The following EIF4E3 variants were observed in gnomAD, a reference collection of about 807,000 sequenced individuals.
EIF4E3 encodes the protein eukaryotic translation initiation factor 4E type 3.
In EIF4E3, 26 loss-of-function variants were observed where a neutral mutation model predicts 31.7. The ratio of observed to expected loss-of-function variants is 0.82; its 90% CI spans 0.60 to 1.14. The LOEUF (loss-of-function observed/expected upper bound fraction) is 1.14, where lower values mean the gene tolerates loss of function less well. Among genes scored for constraint, EIF4E3 ranks in the 50% most tolerant of loss-of-function variants. The probability of loss-of-function intolerance (pLI) is 0.00; values close to 1 mark genes in which losing one functional copy is unlikely to be tolerated. For missense variants in EIF4E3, 304 were observed against 270.9 expected (o/e 1.12, Z -0.86); for synonymous variants, 128 against 107.7 (o/e 1.19, Z -1.17).
At chr3:71,701,239 G>C (rs955734874) in intron 2 of EIF4E3, among the ~76,000 whole-genome samples, 2 of 152,208 alleles carry the variant, frequency 1.3e-5, no homozygotes, top group African/African-American at 4.8e-5. Context: ...GGAAGTCTTG[G>C]CAAAGACAAG....
chr3:71,678,812 A>C lies in EIF4E3; in HGVS notation c.*5870T>G, dbSNP rs2048893330. The C allele has an allele frequency of 6.6e-6, 1 of 152,196 alleles. No individual in the cohort carries two copies. The highest frequency in any genetic ancestry group is 6.5e-5 in the Admixed American group (1 of 15,270). The allele number at this position is 152,196 out of a possible 1,614,324, so 9.4% of individuals were successfully genotyped here. ...TTACACAGGTAAGACTATTCTAAAG[A>C]ATTAATAACTTTCAATGTAAGATTT... On this transcript the variant is annotated 3_prime_UTR_variant, in exon 7 of 7. Transcript: ENST00000425534.
At chr3:71,668,531 A>C in the EIF4E3 span, among the ~76,000 whole-genome samples, 1 of 152,120 alleles carries the variant, frequency 6.6e-6, no homozygotes, top group East Asian at 1.9e-4. Flanking sequence ...TCTACAAGGA[A>C]CTTAAATAAA....
intron 2 of EIF4E3, among the ~76,000 whole-genome samples, chr3:71,700,173 C>T (rs181254792): frequency 6.6e-6 from 1 of 152,056 alleles, no homozygotes; most frequent in East Asian, 1.9e-4. Context: ...GAGCCCCTGC[C>T]TCAAAAAAAC....
chr3:71,686,631 A>C (rs2048996143), intron 6 of EIF4E3, among the ~76,000 whole-genome samples: 1 of 151,702 alleles, frequency 6.6e-6, no homozygotes. Context: ...ACACGCTTTG[A>C]TCTGCAAGGA....
At chr3:71,730,044 T>C (rs144183797), upstream of EIF4E3, among the ~76,000 whole-genome samples, 34 of 152,238 alleles carry the variant, frequency 2.2e-4, no homozygotes, top group East Asian at 6.2e-3. Flanking sequence ...CAGTCTTCAG[T>C]GCCGGTAGGT....
chr3:71,717,079 T>G (rs1202061143), intron 1 of EIF4E3, among the ~76,000 whole-genome samples: 1 of 152,226 alleles, frequency 6.6e-6, no homozygotes, highest in African/African-American at 2.4e-5. Context: ...TCCATATGTA[T>G]GCCTAGAGAT....
chr3:71,753,568 G>C (rs1419293772), exon 1 of EIF4E3: 3 of 150,490 alleles, frequency 2.0e-5, no homozygotes, highest in Non-Finnish European at 4.4e-5. Flanking sequence ...AGCCCAGCCG[G>C]GCCCAGGCGG....
chr3:71,754,700 G>A (rs746145740), upstream of EIF4E3: 8 of 1,490,008 alleles, frequency 5.4e-6, no homozygotes, highest in Admixed American at 1.7e-4. This position sits in a 1 kb window ranked among gnomAD's most constrained non-coding sequence, Gnocchi z 5.8. Flanking sequence ...TGCGGCCCGC[G>A]CGCCTGGTGC....
At chr3:71,675,123 C>T (rs2048866182), downstream of EIF4E3, among the ~76,000 whole-genome samples, 1 of 152,186 alleles carries the variant, frequency 6.6e-6, no homozygotes, top group African/African-American at 2.4e-5. Context: ...AAACCAAATT[C>T]CATCTTCTCT....
intron 1 of EIF4E3, among the ~76,000 whole-genome samples, chr3:71,719,371 AG>A (rs2049511561): frequency 6.6e-6 from 1 of 152,112 alleles, no homozygotes; most frequent in Non-Finnish European, 1.5e-5. Flanking sequence ...GGTCTGAATG[AG>A]TAGGTCTGGG....
chr3:71,721,674 G>A (rs983745662), intron 1 of EIF4E3, among the ~76,000 whole-genome samples: 1 of 152,194 alleles, frequency 6.6e-6, no homozygotes, highest in Non-Finnish European at 1.5e-5. Flanking sequence ...GCTGCCCTGT[G>A]AAGAAGGTGC....
chr3:71,707,871 CTTT>C (rs35421624), intron 2 of EIF4E3, among the ~76,000 whole-genome samples: 3 of 133,234 alleles, frequency 2.3e-5, no homozygotes, highest in Non-Finnish European at 3.2e-5. Context: ...CTAATTCATT[CTTT>C]TTTTTTTTTT....
At chr3:71,687,122 T>C (rs1301622147) in intron 6 of EIF4E3, among the ~76,000 whole-genome samples, 1 of 152,174 alleles carries the variant, frequency 6.6e-6, no homozygotes, top group African/African-American at 2.4e-5. Context: ...TGCCTCAGTC[T>C]CCCAAGTAGC....
At chr3:71,686,417 G>A (rs1170426437) in intron 6 of EIF4E3, among the ~76,000 whole-genome samples, 1 of 152,040 alleles carries the variant, frequency 6.6e-6, no homozygotes, top group East Asian at 1.9e-4. Flanking sequence ...ATGAAACACT[G>A]GGAGAGATGC....
chr3:71,686,392 C>G (rs2048991660), intron 6 of EIF4E3, among the ~76,000 whole-genome samples: 1 of 152,100 alleles, frequency 6.6e-6, no homozygotes, highest in Non-Finnish European at 1.5e-5. Context: ...TCACCCCAAC[C>G]TACTCCGCAC....
intron 1 of EIF4E3, among the ~76,000 whole-genome samples, chr3:71,734,615 A>G (rs1390181293): frequency 6.6e-6 from 1 of 152,186 alleles, no homozygotes; most frequent in East Asian, 1.9e-4. Context: ...CAAACTCCTT[A>G]TTAGAATTGA....
Position 71,699,647 on chromosome 3 carries a change from TA to T in EIF4E3, c.310del (p.Tyr104IlefsTer3). 3 of 1,613,854 alleles carry T rather than the reference TA, an allele frequency of 1.9e-6. No individual in the cohort carries two copies. The highest frequency in any genetic ancestry group is 2.5e-6 in the Non-Finnish European group (3 of 1,179,902). On this transcript the variant is annotated frameshift_variant, in exon 3 of 7. Coordinates refer to ENST00000425534, the MANE Select transcript of EIF4E3 (RefSeq NM_001134651.2). LOFTEE classifies it high-confidence loss of function. ...PVTSLPLRCS[Y>X]HLMRGERRPL... ...TCGCCTCTCTCCTCTCATTAAATGATAACTACATCTCAAAGGCAGGCTAGTC... is the reference window on the plus strand; with the variant it reads ...TCGCCTCTCTCCTCTCATTAAATGATACTACATCTCAAAGGCAGGCTAGTC...
At chr3:71,673,119 G>A (rs2048855326), downstream of EIF4E3, among the ~76,000 whole-genome samples, 1 of 152,172 alleles carries the variant, frequency 6.6e-6, no homozygotes, top group Non-Finnish European at 1.5e-5. Context: ...GCACTTAGTG[G>A]AGTTCCCAAA....
In EIF4E3 at chr3:71,678,009, T is replaced by C. The variant is rs1397623013; in HGVS notation, c.*6673A>G. On this transcript the variant is annotated 3_prime_UTR_variant, in exon 7 of 7. Coordinates refer to ENST00000425534, the MANE Select transcript of EIF4E3 (RefSeq NM_001134651.2). ...ATCAAATGTGTTCAACAGGGAAGTG[T>C]AAAAATAACAACAGTTACTCCCCAT... The C allele has an allele frequency of 6.6e-6, 1 of 152,170 alleles. No individual in the cohort carries two copies. Among genetic ancestry groups the C allele is most frequent in the Non-Finnish European group, 1.5e-5 (1 of 68,020 alleles). 9.4% of individuals were successfully genotyped at this position (152,170 alleles called of 1,614,324 possible).
Sources: gnomAD v4.1 joint callset for allele counts (sites outside exome capture counted in the v4.1 genomes callset) on GRCh38, gnomAD v4.1.1 for gene constraint, Gnocchi (gnomAD v3.1) non-coding constraint, MANE v1.5 for transcripts, NCBI Gene and HGNC (gene_info 2026-07-23, HGNC 2026-07-21) for gene names.